The following GALNT17 variants were observed in gnomAD, a reference collection of about 807,000 sequenced individuals.
The protein encoded by GALNT17 is polypeptide N-acetylgalactosaminyltransferase 17.
In GALNT17, 29 loss-of-function variants were observed where a neutral mutation model predicts 63.7. The observed-to-expected ratio is 0.46, with a 90% CI of 0.34 to 0.62. The LOEUF (loss-of-function observed/expected upper bound fraction) is 0.62. Ranked by LOEUF, GALNT17 falls within the 20% of genes least tolerant of loss-of-function variation. The pLI is 0.01. For synonymous variants in GALNT17, 305 were observed against 318.3 expected (o/e 0.96, Z 0.45); for missense variants, 603 against 799.6 (o/e 0.75, Z 2.97).
intron 5 of GALNT17, among the ~76,000 whole-genome samples, chr7:71,426,404 C>T (rs1786761735): frequency 6.6e-6 from 1 of 152,204 alleles, no homozygotes; most frequent in Non-Finnish European, 1.5e-5. Context: ...AATCTGCTGT[C>T]TTAAGCTCTG....
chr7:71,585,401 C>T (rs536786282), intron 6 of GALNT17, among the ~76,000 whole-genome samples: 1 of 152,190 alleles, frequency 6.6e-6, no homozygotes, highest in Non-Finnish European at 1.5e-5. Context: ...GATTTTTAGA[C>T]TCTACACTCA....
chr7:71,440,986 G>A (rs931011052), intron 5 of GALNT17, among the ~76,000 whole-genome samples: 3 of 151,692 alleles, frequency 2.0e-5, no homozygotes, highest in Non-Finnish European at 4.4e-5. Context: ...TTGTGCGTTG[G>A]AGAGAAAGCA....
chr7:71,710,674 A>G, intron 9 of GALNT17, 87 bp from the exon 10 acceptor site: 1 of 1,482,574 alleles, frequency 6.7e-7, no homozygotes, highest in Non-Finnish European at 9.2e-7. Flanking sequence ...CAGCAGGAGT[A>G]AAGCCGAGAG....
chr7:71,677,257 T>C lies in GALNT17; in HGVS notation c.1451T>C (p.Leu484Pro). 2 of 1,614,004 alleles carry C rather than the reference T, an allele frequency of 1.2e-6. No individual in the cohort carries two copies. The highest frequency in any genetic ancestry group is 1.7e-6 in the Non-Finnish European group (2 of 1,179,976). Residue 484 changes from leucine (L) to proline (P), a missense_variant, in exon 9 of 11, where the codon CTG (leucine) becomes CCG (proline). By Grantham distance (98) the Leu-to-Pro change is moderately conservative. Around this residue, in one of 3 missense-constraint regions of GALNT17, gnomAD observed 336 missense variants for 507.8 expected, o/e 0.66. Coordinates refer to ENST00000333538, the MANE Select transcript of GALNT17 (RefSeq NM_022479.3). ...AKDVCLDQGP[L>P]ENHTAILYPC... ...GACGTCTGCTTGGACCAGGGGCCGC[T>C]GGAGAACCACACAGCAATATTGTAT... is the stretch of plus-strand genomic sequence containing the variant.
chr7:71,336,399 T>C (rs1791908385), intron 2 of GALNT17, among the ~76,000 whole-genome samples: 1 of 152,140 alleles, frequency 6.6e-6, no homozygotes, highest in African/African-American at 2.4e-5. Context: ...GTAGGTTTGT[T>C]ATATAGGTTA....
chr7:71,354,887 G>GTT (rs1792256721), intron 2 of GALNT17, among the ~76,000 whole-genome samples: 3 of 152,122 alleles, frequency 2.0e-5, no homozygotes, highest in Admixed American at 2.0e-4. Context: ...AAATAGCTCT[G>GTT]TTTAAGGTTT....
At chr7:71,701,879 A>G (rs182104905) in intron 9 of GALNT17, among the ~76,000 whole-genome samples, 4,354 of 81,600 alleles carry the variant, frequency 0.053, 154 homozygotes, top group African/African-American at 0.075. Flanking sequence ...ACATATATAT[A>G]TGTATATATA....
chr7:71,445,366 T>G (rs1287383329), intron 5 of GALNT17, among the ~76,000 whole-genome samples: 2 of 151,274 alleles, frequency 1.3e-5, no homozygotes, highest in African/African-American at 4.8e-5. Context: ...TTTGTTTGTT[T>G]TTTTTTTTTA....
At chr7:71,396,017 C>A (rs1294917690) in intron 3 of GALNT17, among the ~76,000 whole-genome samples, 5 of 152,052 alleles carry the variant, frequency 3.3e-5, no homozygotes, top group Non-Finnish European at 7.4e-5. Context: ...ATTCTGCAAC[C>A]AATTTTTGCA....
At chr7:71,255,098 C>T (rs1276205296) in intron 1 of GALNT17, among the ~76,000 whole-genome samples, 1 of 152,184 alleles carries the variant, frequency 6.6e-6, no homozygotes, top group Non-Finnish European at 1.5e-5. Context: ...TTCACTCATC[C>T]ATTCAACAAA....
chr7:71,455,095 G>T (rs1787330382), intron 5 of GALNT17, among the ~76,000 whole-genome samples: 1 of 151,892 alleles, frequency 6.6e-6, no homozygotes, highest in Non-Finnish European at 1.5e-5. Flanking sequence ...ATGAGCCTGG[G>T]AGGTCAAGGC....
intron 5 of GALNT17, among the ~76,000 whole-genome samples, chr7:71,444,436 G>T (rs1003079336): frequency 3.9e-5 from 6 of 152,278 alleles, no homozygotes; most frequent in Middle Eastern, 6.8e-3. Flanking sequence ...GGCTTAGGAG[G>T]ATATAGACAC....
chr7:71,375,162 A>G (rs1290151769), intron 2 of GALNT17, among the ~76,000 whole-genome samples: 1 of 152,152 alleles, frequency 6.6e-6, no homozygotes, highest in Non-Finnish European at 1.5e-5. Context: ...AAGTGGAGAT[A>G]ACAATAATGA....
intron 5 of GALNT17, among the ~76,000 whole-genome samples, chr7:71,545,579 T>G (rs1259097951): frequency 1.3e-5 from 2 of 152,194 alleles, no homozygotes; most frequent in African/African-American, 4.8e-5. Flanking sequence ...CTCAAACTCC[T>G]GGCTTCTAGC....
At chr7:71,235,314 C>A (rs971756288) in intron 1 of GALNT17, among the ~76,000 whole-genome samples, 9 of 151,974 alleles carry the variant, frequency 5.9e-5, no homozygotes, top group African/African-American at 2.2e-4. Context: ...AGAATCAGAC[C>A]CTCTGCCCAG....
intron 1 of GALNT17, among the ~76,000 whole-genome samples, chr7:71,235,280 C>T (rs544084916): frequency 1.4e-4 from 21 of 151,664 alleles, no homozygotes; most frequent in African/African-American, 4.1e-4. Flanking sequence ...TTGGTCTGTT[C>T]GTTTTAGGTG....
intron 2 of GALNT17, among the ~76,000 whole-genome samples, chr7:71,339,803 C>T (rs770356109): frequency 6.6e-6 from 1 of 152,164 alleles, no homozygotes; most frequent in Middle Eastern, 3.4e-3. Context: ...AGGGAGGAAC[C>T]CATGGCCCAA....
intron 6 of GALNT17, among the ~76,000 whole-genome samples, chr7:71,590,782 T>C (rs1374507127): frequency 6.6e-6 from 1 of 152,036 alleles, no homozygotes; most frequent in Non-Finnish European, 1.5e-5. Flanking sequence ...GGCTGGAGTG[T>C]AGTGGCTCGA....
chr7:71,225,495 C>T (rs1336995617), intron 1 of GALNT17, among the ~76,000 whole-genome samples: 1 of 152,198 alleles, frequency 6.6e-6, no homozygotes, highest in Non-Finnish European at 1.5e-5. Flanking sequence ...AACTCACTGC[C>T]TCAGGCCTTC....
Sources: gnomAD v4.1 joint callset for allele counts (sites outside exome capture counted in the v4.1 genomes callset) on GRCh38, gnomAD v4.1.1 for gene constraint, gnomAD v4.1.1 regional missense constraint, MANE v1.5 for transcripts, NCBI Gene and HGNC (gene_info 2026-07-23, HGNC 2026-07-21) for gene names.